STARD9: variants seen among roughly 807,000 people sequenced by gnomAD.
The protein encoded by STARD9 is StAR related lipid transfer domain containing 9.
STARD9 carries 346 observed loss-of-function variants against 399.8 expected under a neutral mutation model. The observed-to-expected ratio is 0.87, with a 90% CI of 0.79 to 0.95. STARD9 has a LOEUF of 0.95. Ranked by LOEUF, STARD9 falls within the 40% of genes least tolerant of loss-of-function variation. The pLI is 0.00. For synonymous variants in STARD9, 2,203 were observed against 2,143.5 expected (o/e 1.03, Z -0.77); for missense variants, 5,832 against 5,667.5 (o/e 1.03, Z -0.93).
chr15:42,582,790 T>G (rs1334747682), intron 1 of STARD9, among the ~76,000 whole-genome samples: 2 of 152,180 alleles, frequency 1.3e-5, no homozygotes, highest in Admixed American at 1.3e-4. Context: ...ACTCCTGGGC[T>G]CAAGCAGTCC....
Position 42,694,180 on chromosome 15 carries a change from T to C in STARD9, c.12602T>C (p.Val4201Ala). ...WSKREQIPLQ[V>A]GAQNLSLSVE... The stretch of plus-strand genomic sequence containing the variant: ...AAGAGGGAGCAGATCCCCCTGCAAG[T>C]TGGGGCCCAGAACCTCTCACTCAGC... The change falls in exon 23 of 33, where the codon GTT becomes GCT. Residue 4201 changes from valine to alanine, a missense_variant. Physicochemically the swap from Val to Ala is moderately conservative, Grantham distance 64 (BLOSUM62 0). Around this residue, in one of 2 missense-constraint regions of STARD9, gnomAD observed 5,828 missense variants for 5,651.1 expected, o/e 1.03. Transcript: ENST00000290607. The C allele has an allele frequency of 2.0e-6, 3 of 1,535,512 alleles. No homozygotes were observed. The highest frequency in any genetic ancestry group is 1.7e-6 in the Non-Finnish European group (2 of 1,146,150).
intron 16 of STARD9, chr15:42,672,282 A>C (rs2060218115): frequency 6.6e-6 from 1 of 152,258 alleles, no homozygotes; most frequent in Non-Finnish European, 1.5e-5. Context: ...AGGGAAGGAC[A>C]GGGAGAGCCC....
At chr15:42,576,950 G>C (rs898917013) in intron 1 of STARD9, among the ~76,000 whole-genome samples, 18 of 152,174 alleles carry the variant, frequency 1.2e-4, no homozygotes, top group African/African-American at 3.9e-4. Context: ...TTGGTAAATG[G>C]CTTGTGACAC....
Position 42,695,754 on chromosome 15 carries a change from A to AC in STARD9, c.13159dup (p.Leu4387ProfsTer15). The AC allele has an allele frequency of 6.5e-7, 1 of 1,537,068 alleles. No homozygotes were observed. The highest frequency in any genetic ancestry group is 1.4e-5 in the African/African-American group (1 of 73,140). The stretch of plus-strand genomic sequence containing the variant: ...TTTGTCCTTCCCAGGAAGAGGATAA[A>AC]CTACATACCTTGGCCAATTCCAGCT... On this transcript the variant is annotated frameshift_variant, in exon 26 of 33. Coordinates refer to ENST00000290607, the MANE Select transcript of STARD9 (RefSeq NM_020759.3). LOFTEE classifies it high-confidence loss of function.
rs1384859979 is a variant in STARD9 at position 42,634,917 on chromosome 15, T to A, written c.296T>A (p.Leu99His). 17 of 1,536,896 alleles carry A rather than the reference T, an allele frequency of 1.1e-5. No homozygotes were observed. Among genetic ancestry groups the A allele is most frequent in the Non-Finnish European group, 1.4e-5 (16 of 1,146,728 alleles). The change falls in exon 4 of 33, where the codon CTT becomes CAT. Residue 99 changes from leucine (L) to histidine (H), a missense_variant. By Grantham distance (99) the Leu-to-His change is moderately conservative. Around this residue, in one of 2 missense-constraint regions of STARD9, gnomAD observed 5,828 missense variants for 5,651.1 expected, o/e 1.03. Coordinates refer to ENST00000290607, the MANE Select transcript of STARD9 (RefSeq NM_020759.3). ...SGVAKGYNIC[L>H]FAYGQTGSGK... ...GTTGCCAAAGGCTATAACATATGCC[T>A]TTTTGCTTATGGACAGACAGGCTCT...
chr15:42,641,160 G>T (rs2059528476), intron 7 of STARD9, among the ~76,000 whole-genome samples: 2 of 152,156 alleles, frequency 1.3e-5, no homozygotes, highest in Non-Finnish European at 2.9e-5. Flanking sequence ...TCAATGACAG[G>T]ATCAGGATTC....
intron 3 of STARD9, among the ~76,000 whole-genome samples, chr15:42,611,404 A>G (rs1315107157): frequency 1.3e-5 from 2 of 152,222 alleles, no homozygotes; most frequent in Non-Finnish European, 1.5e-5. Flanking sequence ...ATTTGCCTCA[A>G]TTGTTGGAGA....
At chr15:42,676,779 T>A (rs1003825638) in intron 20 of STARD9, among the ~76,000 whole-genome samples, 27 of 152,174 alleles carry the variant, frequency 1.8e-4, no homozygotes, top group African/African-American at 6.0e-4. Context: ...GCCTGTGACA[T>A]CACTGGTGTT....
chr15:42,638,717 A>G lies in STARD9; in HGVS notation c.464A>G (p.Asn155Ser), dbSNP rs1017310387. ...RIKVSFLEIYNERVRDLLKQS... is the reference protein window; with the variant it reads ...RIKVSFLEIYSERVRDLLKQS... Reference sequence around the variant, plus strand: ...AACTCTAGTTTTCTAGAAATCTATAATGAACGGGTGCGGGATCTGTTGAAG... The same window carrying G: ...AACTCTAGTTTTCTAGAAATCTATAGTGAACGGGTGCGGGATCTGTTGAAG... The change falls in exon 7 of 33, where the codon AAT (asparagine) becomes AGT (serine). Residue 155 changes from asparagine to serine, a missense_variant. Transcript: ENST00000290607. 2.0e-6 allele frequency: 3 copies of G among 1,535,314 alleles called. No individual in the cohort carries two copies. In the African/African-American group the frequency reaches 4.1e-5, roughly 21 times the overall value.
chr15:42,691,528 A>C lies in STARD9; in HGVS notation c.9950A>C (p.His3317Pro). 1 of 1,536,432 alleles carries C rather than the reference A, an allele frequency of 6.5e-7. No homozygotes were observed. The highest frequency in any genetic ancestry group is 2.4e-5 in the East Asian group (1 of 40,870). Residue 3317 changes from histidine (H) to proline (P), a missense_variant, in exon 23 of 33, where the codon CAC becomes CCC. By Grantham distance (77) the His-to-Pro change is moderately conservative. This residue lies in a region of STARD9 where 5,828 missense variants were observed against 5,651.1 expected (regional missense o/e 1.03). Transcript: ENST00000290607. ...ACTACAATCTTCTCTGGCCCCAAACACTCCAGGTCCTCCCCCACACCACAG... is the reference window on the plus strand; with the variant it reads ...ACTACAATCTTCTCTGGCCCCAAACCCTCCAGGTCCTCCCCCACACCACAG... ...PVTTIFSGPK[H>P]SRSSPTPQFS...
At position 42,692,996 on chromosome 15, in the gene STARD9, C is replaced by A; in HGVS notation, c.11418C>A (p.Pro3806=). 6.5e-7 allele frequency: 1 copy of A among 1,537,190 alleles called. No individual in the cohort carries two copies. Among genetic ancestry groups the A allele is most frequent in the Non-Finnish European group, 8.7e-7 (1 of 1,146,888 alleles). Residue 3806 remains proline, a synonymous_variant, in exon 23 of 33, where the codon CCC becomes CCA. Coordinates refer to ENST00000290607, the MANE Select transcript of STARD9 (RefSeq NM_020759.3). ...TCTATCTTCAGGAAGAAAGCACTCC[C>A]TACAAGCCCCAGAGCCCTTCAATAC... ...QLLYLQEEST[P]YKPQSPSIPS...
chr15:42,694,395 G>C, intron 23 of STARD9, 53 bp downstream of exon 23: 2 of 1,534,472 alleles, frequency 1.3e-6, no homozygotes, highest in African/African-American at 1.4e-5. Flanking sequence ...TGTGAGGAAA[G>C]AGAACCCAAG....
At chr15:42,661,547 T>C (rs534554813) in intron 10 of STARD9, among the ~76,000 whole-genome samples, 2 of 152,194 alleles carry the variant, frequency 1.3e-5, no homozygotes, top group East Asian at 3.9e-4. Context: ...TGGGCTCAAG[T>C]GACCCTCCTG....
chr15:42,686,920 G>C lies in STARD9; in HGVS notation c.5342G>C (p.Gly1781Ala). Residue 1781 changes from glycine (G) to alanine (A), a missense_variant, in exon 23 of 33, where the codon GGC (glycine) becomes GCC (alanine). By Grantham distance (60) the Gly-to-Ala change is moderately conservative (BLOSUM62 0). This residue lies in a region of STARD9 where 5,828 missense variants were observed against 5,651.1 expected (regional missense o/e 1.03). Transcript: ENST00000290607. ...VPSPPPREAW[G>A]FGHNHQALQG... ...TCCCCACCCCCCAGGGAAGCCTGGG[G>C]CTTTGGTCACAACCACCAAGCTCTC... The C allele has an allele frequency of 9.1e-6, 14 of 1,536,810 alleles. No homozygotes were observed. Among genetic ancestry groups the C allele is most frequent in the Non-Finnish European group, 1.2e-5 (14 of 1,146,902 alleles).
chr15:42,597,746 A>G (rs572572966), intron 3 of STARD9, among the ~76,000 whole-genome samples: 2 of 152,176 alleles, frequency 1.3e-5, no homozygotes, highest in African/African-American at 4.8e-5. Flanking sequence ...CATGTTGGCC[A>G]GGCTGGTCTC....
intron 3 of STARD9, among the ~76,000 whole-genome samples, chr15:42,621,554 A>G (rs969109146): frequency 1.1e-4 from 17 of 152,246 alleles, no homozygotes; most frequent in Non-Finnish European, 2.1e-4. Context: ...AAAGTGACAT[A>G]CAGAAAACAG....
Position 42,682,084 on chromosome 15 carries a change from TG to T in STARD9, c.2066-17del. 6.7e-7 allele frequency: 1 copy of T among 1,491,414 alleles called. No homozygotes were observed. The highest frequency in any genetic ancestry group is 9.0e-7 in the Non-Finnish European group (1 of 1,109,978). The allele number at this position is 1,491,414 out of a possible 1,614,324, so 92.4% of individuals were successfully genotyped here. On this transcript the variant is annotated intron_variant, in intron 21 of 32. Transcript: ENST00000290607. ...GGGAAGGAGATGCTGAAATTCTCTC[TG>T]GGTGTTTTTGGTTCCCAGACCAGCA...
chr15:42,667,094 C>CA (rs986394530), intron 15 of STARD9, among the ~76,000 whole-genome samples: 1 of 152,078 alleles, frequency 6.6e-6, no homozygotes, highest in African/African-American at 2.4e-5. Context: ...GGATTACAGG[C>CA]ATGAACCACT....
chr15:42,694,282 C>T lies in STARD9; in HGVS notation c.12704C>T (p.Thr4235Ile). ...DALLQVLQSG[T>I]GEALAADEPV... ...CTGCTCCAGGTGCTGCAGAGTGGGACAGGGGAGGCGCTTGCTGCTGATGAA... is the reference window on the plus strand; with the variant it reads ...CTGCTCCAGGTGCTGCAGAGTGGGATAGGGGAGGCGCTTGCTGCTGATGAA... Residue 4235 changes from threonine to isoleucine, a missense_variant, in exon 23 of 33, where the codon ACA becomes ATA. By Grantham distance (89) the Thr-to-Ile change is moderately conservative (BLOSUM62 -1). Coordinates refer to ENST00000290607, the MANE Select transcript of STARD9 (RefSeq NM_020759.3). 1 of 1,520,216 alleles carries T rather than the reference C, an allele frequency of 6.6e-7. No homozygotes were observed. The highest frequency in any genetic ancestry group is 8.8e-7 in the Non-Finnish European group (1 of 1,138,128). 94.2% of individuals were successfully genotyped at this position (1,520,216 alleles called of 1,614,324 possible). A position where few individuals can be genotyped will look rare whatever the true frequency, so the allele number is the denominator to read the frequency against.
Sources: gnomAD v4.1 joint callset for allele counts (sites outside exome capture counted in the v4.1 genomes callset) on GRCh38, gnomAD v4.1.1 for gene constraint, gnomAD v4.1.1 regional missense constraint, MANE v1.5 for transcripts, NCBI Gene and HGNC (gene_info 2026-07-23, HGNC 2026-07-21) for gene names.